Variants in NSG2 observed in about 807,000 individuals in gnomAD.
NSG2 encodes neuronal vesicle trafficking associated 2.
A neutral mutation model predicts 16.9 loss-of-function variants in NSG2; 4 were observed. The observed-to-expected ratio is 0.24, with a 90% CI of 0.12 to 0.54. The LOEUF (loss-of-function observed/expected upper bound fraction) is 0.54. NSG2 is among the 20% of genes least tolerant of loss of function. The pLI, the probability that NSG2 is intolerant of heterozygous loss-of-function variation, is 0.95. For synonymous variants in NSG2, 98 were observed against 88.7 expected, an observed-to-expected ratio of 1.11 and a Z score of -0.59; for missense variants, 179 against 221.1, an observed-to-expected ratio of 0.81 and a Z score of 1.21.
At chr5:174,058,890 C>A (rs373238637) in intron 2 of NSG2, among the ~76,000 whole-genome samples, 1 of 152,216 alleles carries the variant, frequency 6.6e-6, no homozygotes, top group Non-Finnish European at 1.5e-5. Context: ...CAGCAGATGA[C>A]TGAGGACCCA....
intron 2 of NSG2, among the ~76,000 whole-genome samples, chr5:174,059,209 A>G (rs998815765): frequency 2.0e-5 from 3 of 152,240 alleles, no homozygotes; most frequent in African/African-American, 7.2e-5. Context: ...ATCACGCAGT[A>G]TATAAAAACC....
At chr5:174,074,709 C>G (rs1388930571) in intron 3 of NSG2, among the ~76,000 whole-genome samples, 1 of 152,086 alleles carries the variant, frequency 6.6e-6, no homozygotes, top group Non-Finnish European at 1.5e-5. Context: ...CCTTCCTACA[C>G]TCCCAGTGTT....
At chr5:174,087,283 A>G (rs1031372638) in intron 3 of NSG2, among the ~76,000 whole-genome samples, 1 of 152,140 alleles carries the variant, frequency 6.6e-6, no homozygotes, top group African/African-American at 2.4e-5. Flanking sequence ...CAACAATCAT[A>G]CAGCCACTCC....
chr5:174,070,968 C>T (rs1489758624), intron 3 of NSG2, among the ~76,000 whole-genome samples: 1 of 152,208 alleles, frequency 6.6e-6, no homozygotes, highest in East Asian at 1.9e-4. Flanking sequence ...TGACCCCACA[C>T]CCTGATCCAG....
At chr5:174,090,800 A>G (rs1396429880) in intron 3 of NSG2, among the ~76,000 whole-genome samples, 1 of 152,218 alleles carries the variant, frequency 6.6e-6, no homozygotes, top group Non-Finnish European at 1.5e-5. Flanking sequence ...CGTCTTCCCC[A>G]ACATGGCTGA....
chr5:174,057,080 T>G (rs1185727738), intron 2 of NSG2, among the ~76,000 whole-genome samples: 2 of 152,220 alleles, frequency 1.3e-5, no homozygotes, highest in African/African-American at 2.4e-5. Context: ...AGTTATTTCT[T>G]TGCCCAAATC....
chr5:174,048,073 G>A (rs1334612466), intron 2 of NSG2, among the ~76,000 whole-genome samples: 4 of 152,340 alleles, frequency 2.6e-5, no homozygotes, highest in South Asian at 4.1e-4. Flanking sequence ...ATAGGAGAAC[G>A]TGCAGGGGTG....
chr5:174,068,716 G>A (rs1760185592), intron 3 of NSG2, among the ~76,000 whole-genome samples: 1 of 146,150 alleles, frequency 6.8e-6, no homozygotes, highest in South Asian at 2.3e-4. Flanking sequence ...GAAGGTGCTG[G>A]TGTCATGGGA....
chr5:174,051,348 G>A (rs557821819), intron 2 of NSG2, among the ~76,000 whole-genome samples: 106 of 152,236 alleles, frequency 7.0e-4, no homozygotes, highest in South Asian at 1.2e-3. Flanking sequence ...GATGTTCCAT[G>A]CCTTCACCTC....
In NSG2 at chr5:174,074,725, G is replaced by C. The variant is rs556281136; in HGVS notation, c.213+10410G>C. 9.2e-5 allele frequency among the ~76,000 whole-genome samples: 14 copies of C among 152,036 alleles called. No individual in the cohort carries two copies. The East Asian group carries it at 2.7e-3, about 30-fold the overall frequency. On this transcript the variant is annotated intron_variant, in intron 3 of 4. Transcript: ENST00000303177. ...CTTCCTACACTCCCAGTGTTCTGGGGCTCTCATAGCACTGCAAAACTGCCA... is the reference window on the plus strand; with the variant it reads ...CTTCCTACACTCCCAGTGTTCTGGGCCTCTCATAGCACTGCAAAACTGCCA...
intron 3 of NSG2, among the ~76,000 whole-genome samples, chr5:174,070,801 G>A (rs543185449): frequency 2.6e-5 from 4 of 152,204 alleles, no homozygotes; most frequent in East Asian, 1.9e-4. Context: ...GGCCTATCCC[G>A]CACCTGCAGC....
rs1211057645 is a variant in NSG2 at position 174,097,485 on chromosome 5, CTG to C, written c.214-6731_214-6730del. Among the ~76,000 whole-genome samples the C allele has an allele frequency of 1.1e-4, 17 of 149,716 alleles. No homozygotes were observed. The South Asian group carries it at 3.4e-3, about 30-fold the overall frequency. On this transcript the variant is annotated intron_variant, in intron 3 of 4. Coordinates refer to ENST00000303177, the MANE Select transcript of NSG2 (RefSeq NM_015980.5). Reference sequence around the variant, plus strand: ...GCTGTGTGTGTGTATGTGTGTATGTCTGTGTGTGTGTGTCTTTCTCAGTGTGT... The same window carrying C: ...GCTGTGTGTGTGTATGTGTGTATGTCTGTGTGTGTGTCTTTCTCAGTGTGT...
rs1177855665 is a variant in NSG2, at chr5:174,107,648, C to T, written c.*143C>T. On this transcript the variant is annotated 3_prime_UTR_variant, in exon 5 of 5. Coordinates refer to ENST00000303177, the MANE Select transcript of NSG2 (RefSeq NM_015980.5). This position sits in a 1 kb window ranked among gnomAD's most constrained non-coding sequence, Gnocchi z 4.5. Reference sequence around the variant, plus strand: ...GGGCAGGGTGGGGGGAAGAACGCACCAAAAACGTGGTGTGTGCTGGAGTTG... The same window carrying T: ...GGGCAGGGTGGGGGGAAGAACGCACTAAAAACGTGGTGTGTGCTGGAGTTG... 5 of 812,948 alleles carry T rather than the reference C, an allele frequency of 6.2e-6. No homozygotes were observed. The highest frequency in any genetic ancestry group is 5.1e-5 in the African/African-American group (3 of 59,294). The allele number at this position is 812,948 out of a possible 1,614,324, so 50.4% of individuals were successfully genotyped here.
intron 3 of NSG2, among the ~76,000 whole-genome samples, chr5:174,076,447 G>T (rs188875043): frequency 6.6e-6 from 1 of 151,880 alleles, no homozygotes; most frequent in Admixed American, 6.6e-5. Context: ...AAAGAGAGAC[G>T]AAGAGAGAGA....
intron 3 of NSG2, among the ~76,000 whole-genome samples, chr5:174,088,643 C>T (rs1384174648): frequency 1.3e-5 from 2 of 152,192 alleles, no homozygotes; most frequent in Non-Finnish European, 2.9e-5. Context: ...AAGGCATGTT[C>T]CTTCTCCCAG....
At chr5:174,046,351 A>G (rs60496813) in intron 1 of NSG2, among the ~76,000 whole-genome samples, 32,810 of 150,488 alleles carry the variant, frequency 0.22, 4,860 homozygotes, top group African/African-American at 0.42. Flanking sequence ...ATCATACTGC[A>G]GGCGGGGGGG....
intron 3 of NSG2, chr5:174,082,419 A>T (rs1760496425): frequency 6.6e-6 from 1 of 152,238 alleles, no homozygotes; most frequent in South Asian, 2.1e-4. Flanking sequence ...TTAGGCTTAC[A>T]TTAGTCATCC....
At chr5:174,061,677 C>T (rs1021177720) in intron 2 of NSG2, among the ~76,000 whole-genome samples, 1 of 152,114 alleles carries the variant, frequency 6.6e-6, no homozygotes, top group Admixed American at 6.5e-5. Context: ...AATCTTGGCT[C>T]ACTGCAACCT....
chr5:174,062,271 T>G (rs1033904189), intron 2 of NSG2, among the ~76,000 whole-genome samples: 2 of 152,148 alleles, frequency 1.3e-5, no homozygotes, highest in Non-Finnish European at 2.9e-5. Flanking sequence ...GGATTTGAAC[T>G]CAGCCCACAC....
Sources: allele counts gnomAD v4.1 joint callset (sites outside exome capture counted in the v4.1 genomes callset), GRCh38; gene constraint gnomAD v4.1.1; non-coding constraint Gnocchi (gnomAD v3.1); transcripts MANE v1.5; gene names NCBI Gene and HGNC (gene_info 2026-07-23, HGNC 2026-07-21).